The following RALGAPA1 variants were observed in gnomAD, a reference collection of about 807,000 sequenced individuals.
RALGAPA1 encodes the protein ral GTPase-activating protein subunit alpha-1.
In RALGAPA1, 52 loss-of-function variants were observed where a neutral mutation model predicts 269.6. The observed-to-expected ratio is 0.19, with a 90% CI of 0.15 to 0.24. The LOEUF is 0.24. RALGAPA1 is among the 10% of genes least tolerant of loss of function. RALGAPA1 has a pLI of 1.00. For missense variants in RALGAPA1, 1,917 were observed against 3,013.9 expected (o/e 0.64, Z 8.52); for synonymous variants, 817 against 1,008.3 (o/e 0.81, Z 3.60).
intron 16 of RALGAPA1, among the ~76,000 whole-genome samples, chr14:35,720,712 A>G (rs1164815128): frequency 2.0e-5 from 3 of 152,208 alleles, no homozygotes; most frequent in Non-Finnish European, 4.4e-5. Context: ...GGACTGCTTA[A>G]GGCCAGGAAC....
At chr14:35,650,605 T>C (rs1203015307) in intron 31 of RALGAPA1, among the ~76,000 whole-genome samples, 1 of 152,082 alleles carries the variant, frequency 6.6e-6, no homozygotes, top group Non-Finnish European at 1.5e-5. Context: ...GAAAAAACTA[T>C]GAAAGCCTCA....
At chr14:35,634,841 T>C (rs1177772216) in intron 32 of RALGAPA1, 84 bp from the exon 33 acceptor site, 10 of 1,259,924 alleles carry the variant, frequency 7.9e-6, no homozygotes, top group Non-Finnish European at 1.1e-5. Context: ...AATCAACTGG[T>C]AACACAAGAG....
chr14:35,609,986 A>T (rs2059828376), intron 35 of RALGAPA1, among the ~76,000 whole-genome samples: 2 of 151,492 alleles, frequency 1.3e-5, no homozygotes, highest in South Asian at 4.2e-4. Context: ...AGCAGAAGAA[A>T]GAAAAGAAAA....
chr14:35,729,891 A>T (rs2070310832), intron 12 of RALGAPA1, among the ~76,000 whole-genome samples: 1 of 152,190 alleles, frequency 6.6e-6, no homozygotes, highest in Non-Finnish European at 1.5e-5. Context: ...AGCAGAACTA[A>T]ATTGCAGCTC....
chr14:35,721,666 C>CAAAA, intron 16 of RALGAPA1, 22 bp downstream of exon 16: 1 of 1,605,780 alleles, frequency 6.2e-7, no homozygotes, highest in Non-Finnish European at 8.5e-7. Context: ...GTACCATTCT[C>CAAAA]ATGATTTTCA....
chr14:35,688,588 T>G lies in RALGAPA1; in HGVS notation c.3823A>C (p.Thr1275Pro). 6.5e-7 allele frequency: 1 copy of G among 1,535,868 alleles called. No individual in the cohort carries two copies. The highest frequency in any genetic ancestry group is 8.7e-7 in the Non-Finnish European group (1 of 1,146,830). Residue 1275 changes from threonine to proline, a missense_variant, in exon 18 of 42, where the codon ACT (threonine) becomes CCT (proline). Around this residue, in one of 11 missense-constraint regions of RALGAPA1, gnomAD observed 615 missense variants for 790.0 expected, o/e 0.78. Transcript: ENST00000680220. ...GGCTTCGAAAGAGCATGTACAACAG[T>G]TTTATAAACGCCACCCAGGGAGCCC... Reference protein sequence around the residue: ...QQGSLGGVYKTVVHALSKPKA... With the variant: ...QQGSLGGVYKPVVHALSKPKA...
intron 31 of RALGAPA1, among the ~76,000 whole-genome samples, chr14:35,651,281 TAAAAAC>T (rs1422798929): frequency 5.3e-5 from 8 of 152,042 alleles, no homozygotes; most frequent in Non-Finnish European, 1.2e-4. Context: ...TATGGAAACT[TAAAAAC>T]AAAACAAAAA....
chr14:35,565,816 G>A (rs2056649937), intron 39 of RALGAPA1, among the ~76,000 whole-genome samples: 1 of 152,026 alleles, frequency 6.6e-6, no homozygotes, highest in African/African-American at 2.4e-5. Context: ...TGTATATTCA[G>A]AAGTCATAGT....
rs1332521818 is a variant in RALGAPA1 at position 35,683,965 on chromosome 14, T to C, written c.4315A>G (p.Thr1439Ala). The C allele has an allele frequency of 1.2e-6, 2 of 1,610,642 alleles. No homozygotes were observed. Among genetic ancestry groups the C allele is most frequent in the Non-Finnish European group, 1.7e-6 (2 of 1,178,736 alleles). Residue 1439 changes from threonine to alanine, a missense_variant, in exon 21 of 42, where the codon ACT (threonine) becomes GCT (alanine). Around this residue, in one of 11 missense-constraint regions of RALGAPA1, gnomAD observed 615 missense variants for 790.0 expected, o/e 0.78. Coordinates refer to ENST00000680220, the MANE Select transcript of RALGAPA1 (RefSeq NM_001346249.2). ...ACATCAGCAGAGGACGTAACCCCAG[T>C]GTCGGTTCCAAAGCCAAAATCTATA... ...KFDNFGFGTDTGVTSSADVDS... is the reference protein window; with the variant it reads ...KFDNFGFGTDAGVTSSADVDS...
intron 37 of RALGAPA1, among the ~76,000 whole-genome samples, chr14:35,587,532 T>C (rs1594715048): frequency 6.6e-6 from 1 of 152,170 alleles, no homozygotes; most frequent in South Asian, 2.1e-4. Flanking sequence ...TGGAATACTA[T>C]GCAGCCATAA....
At chr14:35,792,437 A>T (rs563513257) in intron 1 of RALGAPA1, among the ~76,000 whole-genome samples, 4 of 151,954 alleles carry the variant, frequency 2.6e-5, no homozygotes, top group Admixed American at 6.6e-5. Context: ...GATTATAGGC[A>T]TGAACCACCA....
In RALGAPA1 at chr14:35,809,050, C is replaced by G. The variant is rs1269465861; in HGVS notation, c.-215G>C. The G allele has an allele frequency of 1.3e-6, 1 of 775,918 alleles. No homozygotes were observed. The highest frequency in any genetic ancestry group is 2.0e-6 in the Non-Finnish European group (1 of 508,854). The allele number at this position is 775,918 out of a possible 1,614,324, so 48.1% of individuals were successfully genotyped here. A position where few individuals can be genotyped will look rare whatever the true frequency, so the allele number is the denominator to read the frequency against. ...CCGCGGCTCCAAGGCACCTTCGGCC[C>G]CAGCTCCAATATGGCGGATCCCTCT... On this transcript the variant is annotated 5_prime_UTR_variant, in exon 1 of 42. Coordinates refer to ENST00000680220, the MANE Select transcript of RALGAPA1 (RefSeq NM_001346249.2).
rs545421631 is a variant in RALGAPA1, at chr14:35,546,364, C to T, written c.*23+2144G>A. 5.9e-5 allele frequency among the ~76,000 whole-genome samples: 9 copies of T among 151,876 alleles called. No homozygotes were observed. The South Asian group carries it at 1.0e-3, about 18-fold the overall frequency. ...ATCTTAAAAAAATAATGCTAAATGA[C>T]GAGTTAATGGGTGCAGCACACCAGC... On this transcript the variant is annotated intron_variant, in intron 41 of 41. Coordinates refer to ENST00000680220, the MANE Select transcript of RALGAPA1 (RefSeq NM_001346249.2).
intron 1 of RALGAPA1, among the ~76,000 whole-genome samples, chr14:35,801,241 A>G (rs1289281123): frequency 7.5e-6 from 1 of 132,680 alleles, no homozygotes; most frequent in South Asian, 2.4e-4. Flanking sequence ...ATATATATAC[A>G]CAGACACACA....
At chr14:35,794,617 C>T (rs1428940245) in intron 1 of RALGAPA1, among the ~76,000 whole-genome samples, 3 of 152,082 alleles carry the variant, frequency 2.0e-5, no homozygotes, top group South Asian at 2.1e-4. Flanking sequence ...CCACGGCGCC[C>T]GGCTAATTTT....
intron 33 of RALGAPA1, among the ~76,000 whole-genome samples, chr14:35,632,348 A>G (rs1026075436): frequency 6.6e-6 from 1 of 152,174 alleles, no homozygotes; most frequent in African/African-American, 2.4e-5. Flanking sequence ...GCTTTGTGTA[A>G]CTAGCATTCA....
rs1428595243 is a variant in RALGAPA1, at chr14:35,720,048, G to A, written c.2266+1640C>T. Among the ~76,000 whole-genome samples, 5 of 152,224 alleles carry A rather than the reference G, an allele frequency of 3.3e-5. No homozygotes were observed. The South Asian group carries it at 8.3e-4, about 25-fold the overall frequency. ...ATTACAGGCGTAAGCCACCGCGCCCGGCCAACAATTCTTAATACACAAATA... is the reference window on the plus strand; with the variant it reads ...ATTACAGGCGTAAGCCACCGCGCCCAGCCAACAATTCTTAATACACAAATA... On this transcript the variant is annotated intron_variant, in intron 16 of 41. Transcript: ENST00000680220.
chr14:35,672,680 A>G (rs963577559), intron 25 of RALGAPA1, among the ~76,000 whole-genome samples, 187 bp downstream of exon 25: 1 of 152,212 alleles, frequency 6.6e-6, no homozygotes, highest in Non-Finnish European at 1.5e-5. Context: ...CTACAATAAT[A>G]GCTTGATTTT....
Position 35,624,161 on chromosome 14 carries a change from A to G in RALGAPA1, c.6929+1200T>C, listed in dbSNP as rs555670787. 1.9e-4 allele frequency among the ~76,000 whole-genome samples: 29 copies of G among 150,682 alleles called. No homozygotes were observed. In the South Asian group the frequency reaches 5.6e-3, roughly 29 times the overall value. On this transcript the variant is annotated intron_variant, in intron 35 of 41. Coordinates refer to ENST00000680220, the MANE Select transcript of RALGAPA1 (RefSeq NM_001346249.2). ...GCTCACAATATAATACAACGCAAAA[A>G]AAAAAAAAAAAAACAACTTGGTAAT...
Sources: allele counts gnomAD v4.1 joint callset (sites outside exome capture counted in the v4.1 genomes callset), GRCh38; gene constraint gnomAD v4.1.1; regional missense constraint gnomAD v4.1.1; transcripts MANE v1.5; gene names NCBI Gene and HGNC (gene_info 2026-07-23, HGNC 2026-07-21).